MED13L: variants seen among roughly 807,000 people sequenced by gnomAD.
The protein encoded by MED13L is mediator of RNA polymerase II transcription subunit 13-like.
A neutral mutation model predicts 220.9 loss-of-function variants in MED13L; 7 were observed. That is an observed-to-expected ratio of 0.03 (90% CI 0.02 to 0.06). MED13L has a LOEUF of 0.06. Among genes scored for constraint, MED13L ranks in the 10% least tolerant of loss-of-function variants. MED13L has a pLI of 1.00. For missense variants in MED13L, 1,965 were observed against 2,760.5 expected (o/e 0.71, Z 6.46); for synonymous variants, 1,011 against 1,015.2 (o/e 1.00, Z 0.08).
chr12:116,026,845 T>G (rs969471787), intron 4 of MED13L, among the ~76,000 whole-genome samples: 3 of 152,128 alleles, frequency 2.0e-5, no homozygotes, highest in Non-Finnish European at 2.9e-5. Flanking sequence ...TGTAATAAAG[T>G]CTGAAAAACA....
At chr12:116,276,020 G>A (rs537529908) in intron 1 of MED13L, among the ~76,000 whole-genome samples, 57 of 152,292 alleles carry the variant, frequency 3.7e-4, no homozygotes, top group Non-Finnish European at 5.6e-4. Context: ...TGTTTTCAGA[G>A]GTAGGTAATA....
At chr12:116,145,969 A>G (rs1169438186) in intron 2 of MED13L, among the ~76,000 whole-genome samples, 3 of 152,164 alleles carry the variant, frequency 2.0e-5, no homozygotes, top group Non-Finnish European at 4.4e-5. Context: ...TGTGACCCCA[A>G]AAAGTTTTTA....
intron 2 of MED13L, among the ~76,000 whole-genome samples, chr12:116,146,265 G>A (rs972412527): frequency 6.6e-6 from 1 of 152,082 alleles, no homozygotes; most frequent in Non-Finnish European, 1.5e-5. Flanking sequence ...TGGGACTACA[G>A]GTGTGTGCCA....
Position 115,963,537 on chromosome 12 carries a change from A to G in MED13L, c.6388-18T>C. 6.4e-7 allele frequency: 1 copy of G among 1,569,374 alleles called. No individual in the cohort carries two copies. Among genetic ancestry groups the G allele is most frequent in the Non-Finnish European group, 8.8e-7 (1 of 1,140,476 alleles). ...AGCGAAGCCTGGTGAAAAAACAAAG[A>G]GAGTTACCTCTCTGGTCTAGACAAT... is the stretch of plus-strand genomic sequence containing the variant. On this transcript the variant is annotated intron_variant, in intron 29 of 30. Transcript: ENST00000281928.
chr12:115,963,305 G>C, intron 30 of MED13L, 102 bp downstream of exon 30: 1 of 957,000 alleles, frequency 1.0e-6, no homozygotes, highest in Non-Finnish European at 1.7e-6. Context: ...ACAAACGGCA[G>C]CTTCTATGAA....
intron 2 of MED13L, among the ~76,000 whole-genome samples, chr12:116,219,406 A>T (rs1209820572): frequency 6.6e-6 from 1 of 152,234 alleles, no homozygotes; most frequent in Non-Finnish European, 1.5e-5. Flanking sequence ...AAGCTAGATC[A>T]GCATTATAAA....
At chr12:116,015,358 T>C in intron 7 of MED13L, 84 bp from the exon 8 acceptor site, 1 of 1,424,720 alleles carries the variant, frequency 7.0e-7, no homozygotes, top group Non-Finnish European at 9.9e-7. Flanking sequence ...AACATAAATA[T>C]GCATTTTAAT....
At chr12:116,057,142 A>G (rs1371847844) in intron 4 of MED13L, among the ~76,000 whole-genome samples, 1 of 152,202 alleles carries the variant, frequency 6.6e-6, no homozygotes, top group East Asian at 1.9e-4. Flanking sequence ...TTAACAGAAA[A>G]TGAAGTTGGC....
intron 1 of MED13L, among the ~76,000 whole-genome samples, chr12:116,266,235 C>G (rs534446311): frequency 6.6e-6 from 1 of 152,118 alleles, no homozygotes; most frequent in South Asian, 2.1e-4. Flanking sequence ...ATTTAGCAAA[C>G]GTAATAGCCA....
intron 3 of MED13L, among the ~76,000 whole-genome samples, chr12:116,097,390 C>G (rs1423515399): frequency 2.6e-5 from 4 of 152,182 alleles, no homozygotes; most frequent in Admixed American, 6.5e-5. Flanking sequence ...AAGTGATCCA[C>G]CCGCCTCAGC....
intron 1 of MED13L, among the ~76,000 whole-genome samples, chr12:116,257,424 G>A (rs1308470508): frequency 6.6e-6 from 1 of 152,164 alleles, no homozygotes; most frequent in East Asian, 1.9e-4. Flanking sequence ...GCAACTTCCT[G>A]GAGGTTTCCT....
At chr12:116,079,726 A>G (rs1053816993) in intron 4 of MED13L, among the ~76,000 whole-genome samples, 1 of 151,976 alleles carries the variant, frequency 6.6e-6, no homozygotes, top group Admixed American at 6.6e-5. Flanking sequence ...TTGTAGAGAC[A>G]GGGTTTTACC....
At chr12:116,205,651 G>C (rs190135338) in intron 2 of MED13L, among the ~76,000 whole-genome samples, 3 of 152,000 alleles carry the variant, frequency 2.0e-5, no homozygotes, top group African/African-American at 2.4e-5. Context: ...AAGAAAATGG[G>C]TTACAAACAG....
chr12:115,964,641 A>G (rs1477174736), intron 29 of MED13L, among the ~76,000 whole-genome samples: 1 of 150,338 alleles, frequency 6.7e-6, no homozygotes, highest in Non-Finnish European at 1.5e-5. Context: ...TCATTCTATC[A>G]CTGTCATCAT....
intron 2 of MED13L, among the ~76,000 whole-genome samples, chr12:116,151,095 T>TCTA (rs1878001394): frequency 6.6e-6 from 1 of 151,904 alleles, no homozygotes; most frequent in Non-Finnish European, 1.5e-5. Context: ...GACCAGAAGA[T>TCTA]TAAGAGGGGG....
intron 4 of MED13L, among the ~76,000 whole-genome samples, chr12:116,086,688 A>C (rs752470298): frequency 3.3e-5 from 5 of 152,234 alleles, no homozygotes; most frequent in Non-Finnish European, 5.9e-5. Context: ...AGGTTCTCAG[A>C]GACAGATCTA....
chr12:116,081,760 A>C (rs1463643706), intron 4 of MED13L, among the ~76,000 whole-genome samples: 3 of 152,158 alleles, frequency 2.0e-5, no homozygotes, highest in Non-Finnish European at 4.4e-5. Flanking sequence ...CCAGCTACTA[A>C]TGTGATTGAG....
intron 2 of MED13L, among the ~76,000 whole-genome samples, chr12:116,150,523 C>T (rs978223010): frequency 1.5e-4 from 23 of 152,174 alleles, no homozygotes; most frequent in African/African-American, 5.3e-4. Context: ...CGGGTCTGAG[C>T]TTCCATTCTG....
At chr12:116,141,492 C>A (rs1877072632) in intron 2 of MED13L, among the ~76,000 whole-genome samples, 1 of 152,126 alleles carries the variant, frequency 6.6e-6, no homozygotes, top group South Asian at 2.1e-4. Flanking sequence ...ATTATTATTT[C>A]TATAAATAAA....
Sources: gnomAD v4.1 joint callset for allele counts (sites outside exome capture counted in the v4.1 genomes callset) on GRCh38, gnomAD v4.1.1 for gene constraint, MANE v1.5 for transcripts, NCBI Gene and HGNC (gene_info 2026-07-23, HGNC 2026-07-21) for gene names.